The following RAB10 variants were observed in gnomAD, a reference collection of about 807,000 sequenced individuals.
The protein encoded by RAB10 is RAB10, member RAS oncogene family.
RAB10 carries 5 observed loss-of-function variants against 25.7 expected under a neutral mutation model. The ratio of observed to expected loss-of-function variants is 0.19; its 90% CI spans 0.10 to 0.41. The LOEUF (loss-of-function observed/expected upper bound fraction) is 0.41, where lower values mean the gene tolerates loss of function less well. RAB10 is among the 10% of genes least tolerant of loss of function. RAB10 has a pLI of 1.00. For synonymous variants in RAB10, 89 were observed against 86.4 expected, an observed-to-expected ratio of 1.03 and a Z score of -0.16; for missense variants, 103 against 245.8, an observed-to-expected ratio of 0.42 and a Z score of 3.89.
chr2:26,067,764 G>C (rs1382399647), intron 1 of RAB10, among the ~76,000 whole-genome samples: 1 of 152,226 alleles, frequency 6.6e-6, no homozygotes, highest in Non-Finnish European at 1.5e-5. Context: ...TACTGTGTAA[G>C]ACCTTGTCAG....
chr2:26,072,937 C>G (rs1411817207), intron 1 of RAB10, among the ~76,000 whole-genome samples: 1 of 152,146 alleles, frequency 6.6e-6, no homozygotes, highest in African/African-American at 2.4e-5. Flanking sequence ...AGAACCTACA[C>G]AAAAGTTTGT....
In RAB10 at chr2:26,051,473, C is replaced by T. The variant is rs191428230; in HGVS notation, c.127+16738C>T. Among the ~76,000 whole-genome samples the T allele has an allele frequency of 8.2e-3, 1,206 of 146,856 alleles. 25 individuals carry two copies. The highest frequency in any genetic ancestry group is 0.029 in the African/African-American group (1,149 of 39,794). On this transcript the variant is annotated intron_variant, in intron 1 of 5. Coordinates refer to ENST00000264710, the MANE Select transcript of RAB10 (RefSeq NM_016131.5). ...TAAGAATGAGTCATTAAAGGCCAGG[C>T]GCAGTGGCTCACGCCTGTAATCCCC...
At chr2:26,062,929 A>G (rs894329120) in intron 1 of RAB10, among the ~76,000 whole-genome samples, 1 of 151,838 alleles carries the variant, frequency 6.6e-6, no homozygotes, top group African/African-American at 2.4e-5. Flanking sequence ...AGCCTGGCCA[A>G]CGTGGTGAAA....
intron 1 of RAB10, among the ~76,000 whole-genome samples, chr2:26,051,359 TG>T (rs1342554568): frequency 1.5e-3 from 17 of 11,436 alleles, no homozygotes; most frequent in South Asian, 8.8e-3. Flanking sequence ...CCTCCCTTTT[TG>T]CCCCCCCCCC....
chr2:26,054,277 C>T (rs1666201477), intron 1 of RAB10, among the ~76,000 whole-genome samples: 1 of 151,942 alleles, frequency 6.6e-6, no homozygotes, highest in Non-Finnish European at 1.5e-5. Flanking sequence ...TGGTCTCAAA[C>T]TCCTGACCTC....
chr2:26,070,978 A>C (rs1666612835), intron 1 of RAB10, among the ~76,000 whole-genome samples: 1 of 152,192 alleles, frequency 6.6e-6, no homozygotes, highest in African/African-American at 2.4e-5. Context: ...ATGGTATGTA[A>C]AATTGCTGAC....
chr2:26,035,715 T>A (rs753082853), intron 1 of RAB10, among the ~76,000 whole-genome samples: 1 of 152,182 alleles, frequency 6.6e-6, no homozygotes, highest in African/African-American at 2.4e-5. Flanking sequence ...GGCGGTGCAG[T>A]TGAACCCATT....
chr2:26,100,019 G>A (rs1478697450), intron 2 of RAB10, among the ~76,000 whole-genome samples: 1 of 152,132 alleles, frequency 6.6e-6, no homozygotes, highest in Non-Finnish European at 1.5e-5. Flanking sequence ...CCCACCAGTT[G>A]TTAAGGCAAT....
chr2:26,045,801 G>A (rs1665989322), intron 1 of RAB10, among the ~76,000 whole-genome samples: 1 of 152,104 alleles, frequency 6.6e-6, no homozygotes, highest in Admixed American at 6.6e-5. Context: ...TCAAATTCCT[G>A]GGCTCAAGCA....
At chr2:26,040,268 C>T (rs1323201915) in intron 1 of RAB10, among the ~76,000 whole-genome samples, 2 of 152,176 alleles carry the variant, frequency 1.3e-5, no homozygotes, top group African/African-American at 2.4e-5. Context: ...CCTCCTTCCT[C>T]GGCCTCTCAC....
chr2:26,127,980 G>A, intron 5 of RAB10, 29 bp downstream of exon 5: 1 of 1,479,626 alleles, frequency 6.8e-7, no homozygotes, highest in Non-Finnish European at 9.5e-7. Flanking sequence ...ATCCTGCCAG[G>A]TACCTGAGTA....
intron 1 of RAB10, among the ~76,000 whole-genome samples, chr2:26,092,142 A>G (rs781239486): frequency 1.3e-5 from 2 of 151,726 alleles, no homozygotes; most frequent in South Asian, 2.1e-4. Context: ...ACTCCACTCC[A>G]GCCTGGATGA....
At chr2:26,134,000 T>G (rs1253062076) in intron 5 of RAB10, among the ~76,000 whole-genome samples, 4 of 152,080 alleles carry the variant, frequency 2.6e-5, no homozygotes, top group Admixed American at 6.6e-5. Context: ...TAATATTTAG[T>G]GTTGGGAAAA....
At chr2:26,055,712 A>G (rs1481210129) in intron 1 of RAB10, among the ~76,000 whole-genome samples, 1 of 150,838 alleles carries the variant, frequency 6.6e-6, no homozygotes, top group Non-Finnish European at 1.5e-5. Context: ...TGTAGTAGAG[A>G]TGGGGTTTTG....
At chr2:26,070,038 G>A (rs529591749) in intron 1 of RAB10, among the ~76,000 whole-genome samples, 2 of 152,176 alleles carry the variant, frequency 1.3e-5, no homozygotes, top group Non-Finnish European at 2.9e-5. Flanking sequence ...CTTGGTTTGG[G>A]GGAGGTGTGT....
At chr2:26,047,163 T>C (rs1191011275) in intron 1 of RAB10, among the ~76,000 whole-genome samples, 1 of 152,202 alleles carries the variant, frequency 6.6e-6, no homozygotes, top group African/African-American at 2.4e-5. Context: ...CCATAGTCAA[T>C]ATACAACAGT....
intron 1 of RAB10, among the ~76,000 whole-genome samples, chr2:26,045,873 T>TA (rs757775630): frequency 6.6e-6 from 1 of 151,416 alleles, no homozygotes; most frequent in Non-Finnish European, 1.5e-5. Flanking sequence ...ATTTTATATA[T>TA]AAAAAAAGAG....
chr2:26,071,477 C>G (rs1382115536), intron 1 of RAB10, among the ~76,000 whole-genome samples: 4 of 152,132 alleles, frequency 2.6e-5, no homozygotes, highest in African/African-American at 7.2e-5. Flanking sequence ...CGCCTGAGGT[C>G]AGGAGTTCAA....
intron 5 of RAB10, among the ~76,000 whole-genome samples, chr2:26,132,761 AC>A (rs35277441): frequency 0.022 from 2,882 of 128,208 alleles, 61 homozygotes; most frequent in African/African-American, 0.046. Context: ...CGCAAGAGAT[AC>A]CCCCCCCCCT....
Sources: gnomAD v4.1 joint callset for allele counts (sites outside exome capture counted in the v4.1 genomes callset) on GRCh38, gnomAD v4.1.1 for gene constraint, MANE v1.5 for transcripts, NCBI Gene and HGNC (gene_info 2026-07-23, HGNC 2026-07-21) for gene names.